C12orf50: variants seen among roughly 807,000 people sequenced by gnomAD.
The protein encoded by C12orf50 is uncharacterized protein C12orf50.
Under a neutral mutation model 61.6 loss-of-function variants are expected in C12orf50, and 35 were observed. The ratio of observed to expected loss-of-function variants is 0.57; its 90% CI spans 0.43 to 0.75. C12orf50 has a LOEUF of 0.75. C12orf50 is among the 30% of genes least tolerant of loss of function. C12orf50 has a pLI of 0.00. For synonymous variants in C12orf50, 178 were observed against 161.5 expected (o/e 1.10, Z -0.77); for missense variants, 475 against 488.5 (o/e 0.97, Z 0.26).
At position 88,026,955 on chromosome 12, in the gene C12orf50, A is replaced by G. The variant is rs1169818388; in HGVS notation, c.8T>C (p.Met3Thr). Residue 3 changes from methionine to threonine, a missense_variant, in exon 2 of 13, where the codon ATG becomes ACG. Transcript: ENST00000298699. ME[M>T]QQNCSISCFW... ...GATGACGCCAAGTAATTCTACCTGC[A>G]TTTCCATGTGTCTAAATCTGCAAAG... The G allele has an allele frequency of 1.9e-6, 3 of 1,611,084 alleles. No individual in the cohort carries two copies. Among genetic ancestry groups the G allele is most frequent in the Non-Finnish European group, 2.5e-6 (3 of 1,179,376 alleles).
chr12:88,027,454 C>T (rs1023593780), intron 1 of C12orf50, among the ~76,000 whole-genome samples: 1 of 152,132 alleles, frequency 6.6e-6, no homozygotes, highest in Non-Finnish European at 1.5e-5. Context: ...GAATCTCTAC[C>T]TACATTCTAA....
chr12:87,982,793 CA>C (rs2030569826), intron 12 of C12orf50, among the ~76,000 whole-genome samples: 1 of 144,218 alleles, frequency 6.9e-6, no homozygotes. Context: ...TGCTTCGCAG[CA>C]CAGCAAAAAA....
At chr12:88,011,059 T>G (rs908549904) in intron 3 of C12orf50, among the ~76,000 whole-genome samples, 1 of 152,106 alleles carries the variant, frequency 6.6e-6, no homozygotes, top group African/African-American at 2.4e-5. Flanking sequence ...AAAGCATAAC[T>G]TCATGTCACT....
chr12:87,986,040 T>C lies in C12orf50; in HGVS notation c.936A>G (p.Pro312=). 1 of 1,613,730 alleles carries C rather than the reference T, an allele frequency of 6.2e-7. No homozygotes were observed. Among genetic ancestry groups the C allele is most frequent in the Non-Finnish European group, 8.5e-7 (1 of 1,179,774 alleles). ...NSGMQRAVQA[P]RPQNKMSYHR... is the part of the protein sequence containing the mutation. Reference sequence around the variant, plus strand: ...GATAACTCATTTTATTTTGGGGTCTTGGGGCCTGTACTGCTGTAAAGAAAG... The same window carrying C: ...GATAACTCATTTTATTTTGGGGTCTCGGGGCCTGTACTGCTGTAAAGAAAG... Residue 312 remains proline, a synonymous_variant, in exon 11 of 13, where the codon CCA becomes CCG. Transcript: ENST00000298699.
intron 3 of C12orf50, among the ~76,000 whole-genome samples, chr12:88,023,681 A>G (rs1272663204): frequency 4.7e-5 from 7 of 150,310 alleles, no homozygotes; most frequent in Non-Finnish European, 8.8e-5. Context: ...AAAAAAAAAA[A>G]GACTTAAAAA....
chr12:88,001,021 A>G (rs146807020), intron 3 of C12orf50, among the ~76,000 whole-genome samples: 9 of 151,910 alleles, frequency 5.9e-5, no homozygotes, highest in Admixed American at 3.9e-4. Context: ...ATGATGTTGC[A>G]ACAATTTCCC....
intron 7 of C12orf50, among the ~76,000 whole-genome samples, chr12:87,992,030 T>A (rs1001519928): frequency 6.6e-6 from 1 of 152,102 alleles, no homozygotes; most frequent in African/African-American, 2.4e-5. Context: ...ACAGAGATGA[T>A]CAGAGAATGG....
intron 1 of C12orf50, among the ~76,000 whole-genome samples, chr12:88,027,533 T>C (rs951047280): frequency 6.6e-6 from 1 of 152,252 alleles, no homozygotes; most frequent in African/African-American, 2.4e-5. Flanking sequence ...ATGGAGATAC[T>C]GTTAAGTTTT....
At chr12:88,024,957 A>G (rs2032648028) in intron 3 of C12orf50, among the ~76,000 whole-genome samples, 1 of 152,142 alleles carries the variant, frequency 6.6e-6, no homozygotes, top group South Asian at 2.1e-4. Flanking sequence ...AGGAGTGAAT[A>G]AGCCTGATTT....
At chr12:87,994,148 C>A (rs774882908) in intron 7 of C12orf50, among the ~76,000 whole-genome samples, 1 of 151,462 alleles carries the variant, frequency 6.6e-6, no homozygotes, top group Non-Finnish European at 1.5e-5. Context: ...TGCAGTGAGC[C>A]GAGATCGCAC....
At chr12:87,991,718 CTAAAGT>C (rs1212250756) in intron 7 of C12orf50, among the ~76,000 whole-genome samples, 6 of 152,066 alleles carry the variant, frequency 3.9e-5, no homozygotes, top group African/African-American at 1.4e-4. Flanking sequence ...ACCAGAAAGG[CTAAAGT>C]TAAAGGACTG....
chr12:87,996,944 G>A (rs12309667), intron 4 of C12orf50, among the ~76,000 whole-genome samples: 13,986 of 152,214 alleles, frequency 0.092, 739 homozygotes, highest in African/African-American at 0.13. Context: ...AGGCATGAGA[G>A]ACATGGAGCT....
intron 3 of C12orf50, among the ~76,000 whole-genome samples, chr12:88,012,314 A>G (rs971592694): frequency 2.6e-5 from 4 of 152,238 alleles, no homozygotes; most frequent in Non-Finnish European, 4.4e-5. Flanking sequence ...ATCATAATGC[A>G]GTATTTCCTA....
chr12:87,989,763 C>A (rs2031031022), intron 7 of C12orf50, among the ~76,000 whole-genome samples: 1 of 152,032 alleles, frequency 6.6e-6, no homozygotes, highest in African/African-American at 2.4e-5. Context: ...GGATAAATAT[C>A]CATAGTTGCT....
intron 3 of C12orf50, among the ~76,000 whole-genome samples, chr12:88,011,889 C>G (rs188755361): frequency 1.3e-5 from 2 of 152,254 alleles, no homozygotes; most frequent in East Asian, 1.9e-4. Flanking sequence ...TTGGGTTTCT[C>G]TCCTTAAAAC....
chr12:88,026,340 G>T, intron 3 of C12orf50, 148 bp downstream of exon 3: 1 of 849,450 alleles, frequency 1.2e-6, no homozygotes, highest in Non-Finnish European at 1.7e-6. Flanking sequence ...GCTTTCTCTT[G>T]TCTCATGTAG....
At chr12:87,988,810 G>C (rs56028501) in intron 8 of C12orf50, among the ~76,000 whole-genome samples, 7,770 of 152,146 alleles carry the variant, frequency 0.051, 628 homozygotes, top group African/African-American at 0.17. Flanking sequence ...TGGATTTTAA[G>C]TACAGTTAAG....
At chr12:87,998,896 C>G (rs11834966) in intron 3 of C12orf50, among the ~76,000 whole-genome samples, 3,517 of 152,244 alleles carry the variant, frequency 0.023, 140 homozygotes, top group African/African-American at 0.079. Flanking sequence ...GCCGGGACGA[C>G]TAGATTGCCA....
chr12:87,996,680 C>A, intron 4 of C12orf50, 34 bp from the exon 5 acceptor site: 4 of 1,490,490 alleles, frequency 2.7e-6, no homozygotes, highest in East Asian at 2.3e-5. Context: ...TTAAATTGTC[C>A]CAAAGCCAAT....
Sources: gnomAD v4.1 joint callset for allele counts (sites outside exome capture counted in the v4.1 genomes callset) on GRCh38, gnomAD v4.1.1 for gene constraint, MANE v1.5 for transcripts, NCBI Gene and HGNC (gene_info 2026-07-23, HGNC 2026-07-21) for gene names.